DSTYK: variants seen among roughly 807,000 people sequenced by gnomAD.
The protein encoded by DSTYK is dual serine/threonine and tyrosine protein kinase.
Under a neutral mutation model 98.7 loss-of-function variants are expected in DSTYK, and 34 were observed. The observed-to-expected ratio is 0.34, with a 90% confidence interval of 0.26 to 0.46. DSTYK has a LOEUF of 0.46. Among genes scored for constraint, DSTYK ranks in the 20% least tolerant of loss-of-function variants. The pLI, the probability that DSTYK is intolerant of heterozygous loss-of-function variation, is 1.00. For missense variants in DSTYK, 962 were observed against 1,181.7 expected (o/e 0.81, Z 2.73); for synonymous variants, 462 against 457.3 (o/e 1.01, Z -0.13).
chr1:205,211,006 C>A (rs990712520), intron 1 of DSTYK, among the ~76,000 whole-genome samples: 2 of 152,220 alleles, frequency 1.3e-5, no homozygotes, highest in Non-Finnish European at 2.9e-5. Context: ...ACACCCCGGT[C>A]CCCGGGGTCC....
At chr1:205,187,301 A>G (rs534677425) in intron 2 of DSTYK, 117 bp downstream of exon 2, 1 of 1,188,794 alleles carries the variant, frequency 8.4e-7, no homozygotes, top group Admixed American at 2.9e-5. Context: ...TGACTCCACT[A>G]GCCACTGCTG....
At position 205,169,405 on chromosome 1, in the gene DSTYK, G is replaced by A; in HGVS notation, c.1082C>T (p.Ala361Val). The A allele has an allele frequency of 6.2e-7, 1 of 1,614,142 alleles. No individual in the cohort carries two copies. Among genetic ancestry groups the A allele is most frequent in the South Asian group, 1.1e-5 (1 of 91,080 alleles). Residue 361 changes from alanine (A) to valine (V), a missense_variant, in exon 3 of 13, where the codon GCC becomes GTC. This residue lies in a region of DSTYK where 660 missense variants were observed against 855.0 expected (regional missense o/e 0.77). Transcript: ENST00000367162. The surrounding 1 kb of genome is among the most constrained non-coding windows in gnomAD (Gnocchi z 4.0). ...GCAGTGGCAGTGCACCAGGTTCAGGGCCTTGGCTGCATCCACCAGGCGAGT... is the reference window on the plus strand; with the variant it reads ...GCAGTGGCAGTGCACCAGGTTCAGGACCTTGGCTGCATCCACCAGGCGAGT... ...LQTRLVDAAK[A>V]LNLVHCHCLD...
intron 1 of DSTYK, among the ~76,000 whole-genome samples, chr1:205,205,789 T>C (rs1307283664): frequency 1.3e-5 from 2 of 152,160 alleles, no homozygotes; most frequent in African/African-American, 4.8e-5. Context: ...TTTCCCCTTC[T>C]TTTAAATGCT....
intron 1 of DSTYK, among the ~76,000 whole-genome samples, chr1:205,193,091 C>T (rs1193000981): frequency 6.6e-6 from 1 of 152,196 alleles, no homozygotes; most frequent in African/African-American, 2.4e-5. Context: ...CGCAGCATTA[C>T]CACTGGCTGG....
intron 2 of DSTYK, among the ~76,000 whole-genome samples, chr1:205,171,330 A>T (rs1156569012): frequency 6.6e-6 from 1 of 151,868 alleles, no homozygotes; most frequent in East Asian, 1.9e-4. Flanking sequence ...GGGCGCCTGT[A>T]GCCCCAGCTA....
chr1:205,160,349 T>A, intron 7 of DSTYK, 79 bp from the exon 8 acceptor site: 1 of 1,411,776 alleles, frequency 7.1e-7, no homozygotes. Flanking sequence ...TTTTTTTTTT[T>A]TTTTGAGACA....
At chr1:205,202,493 C>A in intron 1 of DSTYK, 1 of 853,468 alleles carries the variant, frequency 1.2e-6, no homozygotes, top group Non-Finnish European at 2.0e-6. Flanking sequence ...GAGAGTAATG[C>A]TGAACTTAAG....
At chr1:205,159,914 G>T (rs1657667615) in intron 8 of DSTYK, 200 bp downstream of exon 8, 1 of 799,206 alleles carries the variant, frequency 1.3e-6, no homozygotes, top group African/African-American at 1.7e-5. Flanking sequence ...AAGTTAAATG[G>T]AATGATGAGT....
chr1:205,145,491 CCAG>C lies in DSTYK; in HGVS notation c.*2064_*2066del, dbSNP rs1300825282. On this transcript the variant is annotated 3_prime_UTR_variant, in exon 13 of 13. Transcript: ENST00000367162. ...CTGTCATAGACAACCCTAGAAAATCCCAGCAGCAGATGTGCGACTCATCTTTGT... is the reference window on the plus strand; with the variant it reads ...CTGTCATAGACAACCCTAGAAAATCCCAGCAGATGTGCGACTCATCTTTGT... 4.0e-5 allele frequency: 6 copies of C among 151,700 alleles called. No individual in the cohort carries two copies. Among genetic ancestry groups the C allele is most frequent in the Admixed American group, 1.3e-4 (2 of 15,192 alleles). The allele number at this position is 151,700 out of a possible 1,614,324, so 9.4% of individuals were successfully genotyped here. A position where few individuals can be genotyped will look rare whatever the true frequency, so the allele number is the denominator to read the frequency against.
chr1:205,180,483 T>C (rs1332115785), intron 2 of DSTYK, among the ~76,000 whole-genome samples: 1 of 152,190 alleles, frequency 6.6e-6, no homozygotes, highest in Non-Finnish European at 1.5e-5. Flanking sequence ...TTTATTTATT[T>C]AGTTATTTTT....
chr1:205,150,074 A>C lies in DSTYK; in HGVS notation c.2467+606T>G, dbSNP rs1657358706. ...ACATAAAAATACATCATCGTCACAG[A>C]ATTAAACAAAATATGTGAAAAACCT... On this transcript the variant is annotated intron_variant, in intron 11 of 12. Coordinates refer to ENST00000367162, the MANE Select transcript of DSTYK (RefSeq NM_015375.3). This position sits in a 1 kb window ranked among gnomAD's most constrained non-coding sequence, Gnocchi z 4.1. Among the ~76,000 whole-genome samples the C allele has an allele frequency of 6.6e-6, 1 of 152,186 alleles. No individual in the cohort carries two copies. The highest frequency in any genetic ancestry group is 2.4e-5 in the African/African-American group (1 of 41,440).
In DSTYK at chr1:205,187,411, T is replaced by C. The variant is rs544826736; in HGVS notation, c.654+7A>G. Reference sequence around the variant, plus strand: ...ATACAATTGGTATAGAAGTATGAGATTGGTACCTGTAAGAGAGCATGGTGC... The same window carrying C: ...ATACAATTGGTATAGAAGTATGAGACTGGTACCTGTAAGAGAGCATGGTGC... On this transcript the variant is annotated splice_region_variant and intron_variant, in intron 2 of 12. Coordinates refer to ENST00000367162, the MANE Select transcript of DSTYK (RefSeq NM_015375.3). 102 of 1,600,144 alleles carry C rather than the reference T, an allele frequency of 6.4e-5. No homozygotes were observed. The highest frequency in any genetic ancestry group is 8.3e-5 in the Non-Finnish European group (97 of 1,171,432).
At chr1:205,202,780 T>TA (rs869233257) in intron 1 of DSTYK, 3 of 610,968 alleles carry the variant, frequency 4.9e-6, no homozygotes, top group Non-Finnish European at 8.7e-6. Flanking sequence ...AATATTTTTT[T>TA]AAAAAAAGGA....
chr1:205,204,668 A>C (rs1013158945), intron 1 of DSTYK, among the ~76,000 whole-genome samples: 16 of 152,198 alleles, frequency 1.1e-4, no homozygotes, highest in African/African-American at 2.9e-4. Flanking sequence ...AAAGTTGTAC[A>C]AGTATCATCA....
In DSTYK at chr1:205,187,415, T is replaced by C. The variant is rs748226292; in HGVS notation, c.654+3A>G. 3 of 1,601,690 alleles carry C rather than the reference T, an allele frequency of 1.9e-6. No homozygotes were observed. The highest frequency in any genetic ancestry group is 4.5e-5 in the East Asian group (2 of 44,692). On this transcript the variant is annotated splice_donor_region_variant and intron_variant, in intron 2 of 12. Transcript: ENST00000367162. The stretch of plus-strand genomic sequence containing the variant: ...AATTGGTATAGAAGTATGAGATTGG[T>C]ACCTGTAAGAGAGCATGGTGCATCG...
chr1:205,160,336 T>C, intron 7 of DSTYK, 66 bp from the exon 8 acceptor site: 2 of 1,457,420 alleles, frequency 1.4e-6, no homozygotes, highest in African/African-American at 1.4e-5. Context: ...CTCTGTAAGA[T>C]TCTTTTTTTT....
chr1:205,157,279 A>G lies in DSTYK; in HGVS notation c.2346T>C (p.Asn782=). 6.2e-7 allele frequency: 1 copy of G among 1,613,894 alleles called. No homozygotes were observed. Among genetic ancestry groups the G allele is most frequent in the Non-Finnish European group, 8.5e-7 (1 of 1,179,924 alleles). ...GLVHRDIKLK[N]VLLDKQNRAK... ...GGAAACAGCTTTTACTTACCAGCACATTTTTCAGTTTGATATCACGATGGA... is the reference window on the plus strand; with the variant it reads ...GGAAACAGCTTTTACTTACCAGCACGTTTTTCAGTTTGATATCACGATGGA... The change falls in exon 10 of 13, where the codon AAT becomes AAC. Residue 782 remains asparagine (N), a synonymous_variant. Coordinates refer to ENST00000367162, the MANE Select transcript of DSTYK (RefSeq NM_015375.3).
intron 1 of DSTYK, among the ~76,000 whole-genome samples, chr1:205,197,139 A>G (rs1325230155): frequency 7.0e-6 from 1 of 143,398 alleles, no homozygotes; most frequent in Non-Finnish European, 1.5e-5. Flanking sequence ...TGATGAAAGG[A>G]AAAAAAAAAA....
chr1:205,208,040 G>C (rs1659260815), intron 1 of DSTYK, among the ~76,000 whole-genome samples: 1 of 151,850 alleles, frequency 6.6e-6, no homozygotes, highest in South Asian at 2.1e-4. Flanking sequence ...ACCATGCCCA[G>C]CTAATTTTTT....
Sources: allele counts gnomAD v4.1 joint callset (sites outside exome capture counted in the v4.1 genomes callset), GRCh38; gene constraint gnomAD v4.1.1; regional missense constraint gnomAD v4.1.1; non-coding constraint Gnocchi (gnomAD v3.1); transcripts MANE v1.5; gene names NCBI Gene and HGNC (gene_info 2026-07-23, HGNC 2026-07-21).